KCNK1: variants seen among roughly 807,000 people sequenced by gnomAD.
KCNK1 encodes the protein potassium channel subfamily K member 1.
In KCNK1, 10 loss-of-function variants were observed where a neutral mutation model predicts 22.2. That is an observed-to-expected ratio of 0.45 (90% CI 0.28 to 0.76). KCNK1 has a LOEUF of 0.76. KCNK1 is among the 30% of genes least tolerant of loss of function. KCNK1 has a pLI of 0.14. For missense variants in KCNK1, 378 were observed against 421.0 expected, an observed-to-expected ratio of 0.90 and a Z score of 0.89; for synonymous variants, 200 against 186.4, an observed-to-expected ratio of 1.07 and a Z score of -0.60.
chr1:233,647,415 G>A (rs543700497), intron 1 of KCNK1, among the ~76,000 whole-genome samples: 1 of 152,314 alleles, frequency 6.6e-6, no homozygotes, highest in South Asian at 2.1e-4. Flanking sequence ...TAACCCTGTG[G>A]TGGACACTGC....
At chr1:233,667,549 T>C (rs1025311024) in intron 2 of KCNK1, among the ~76,000 whole-genome samples, 30 of 151,510 alleles carry the variant, frequency 2.0e-4, no homozygotes, top group African/African-American at 7.0e-4. Flanking sequence ...GCTAACACGG[T>C]GAAACCCCGT....
At chr1:233,650,643 A>C (rs1488388110) in intron 1 of KCNK1, among the ~76,000 whole-genome samples, 1 of 152,196 alleles carries the variant, frequency 6.6e-6, no homozygotes, top group African/African-American at 2.4e-5. Flanking sequence ...TAACACCTGC[A>C]TGAGATAGGA....
intron 1 of KCNK1, among the ~76,000 whole-genome samples, chr1:233,645,944 C>T (rs921329600): frequency 6.6e-6 from 1 of 152,054 alleles, no homozygotes; most frequent in Non-Finnish European, 1.5e-5. Context: ...GGTATTTGGT[C>T]TGAAGAACTA....
chr1:233,636,590 C>T (rs889041030), intron 1 of KCNK1: 1 of 152,546 alleles, frequency 6.6e-6, no homozygotes, highest in Non-Finnish European at 1.5e-5. Context: ...AGGTGCTCAG[C>T]TGTGGATCTG....
chr1:233,626,071 G>A lies in KCNK1; in HGVS notation c.355+11545G>A, dbSNP rs549389439. Among the ~76,000 whole-genome samples the A allele has an allele frequency of 5.3e-5, 8 of 152,042 alleles. No homozygotes were observed. The East Asian group carries it at 1.6e-3, about 30-fold the overall frequency. On this transcript the variant is annotated intron_variant, in intron 1 of 2. Transcript: ENST00000366621. ...ACTCTGGCTGGTGTAGGAGGGCAAG[G>A]CTGAGGCTGAGACTAAAAGGAGGCT...
chr1:233,624,574 G>T (rs1193570384), intron 1 of KCNK1, among the ~76,000 whole-genome samples: 2 of 152,088 alleles, frequency 1.3e-5, no homozygotes, highest in African/African-American at 4.8e-5. Context: ...GCAACTTAAG[G>T]CACATTTCTT....
rs556181597 is a variant in KCNK1 at position 233,671,800 on chromosome 1, A to G, written c.*270A>G. The G allele has an allele frequency of 4.8e-5, 22 of 459,126 alleles. No individual in the cohort carries two copies. In the Middle Eastern group the frequency reaches 1.9e-3, roughly 39 times the overall value. 28.4% of individuals were successfully genotyped at this position (459,126 alleles called of 1,614,324 possible). ...TTATCTCGACCTTACATAGGAGGAG[A>G]ATACTTGAAGCAGTATGCTGCTGTG... On this transcript the variant is annotated 3_prime_UTR_variant, in exon 3 of 3. Transcript: ENST00000366621.
intron 2 of KCNK1, among the ~76,000 whole-genome samples, chr1:233,668,628 G>T (rs1280375528): frequency 1.2e-4 from 18 of 150,820 alleles, no homozygotes; most frequent in African/African-American, 4.4e-4. Flanking sequence ...TTTTTGAGAT[G>T]GAGTTTCATT....
rs1196678269 is a variant in KCNK1 at position 233,636,042 on chromosome 1, C to CAGGAGTATACCTAGTATACT, written c.355+21533_355+21534insACTAGGAGTATACCTAGTAT. 2.0e-5 allele frequency among the ~76,000 whole-genome samples: 3 copies of CAGGAGTATACCTAGTATACT among 152,246 alleles called. No homozygotes were observed. In the South Asian group the frequency reaches 6.2e-4, roughly 32 times the overall value. On this transcript the variant is annotated intron_variant, in intron 1 of 2. Coordinates refer to ENST00000366621, the MANE Select transcript of KCNK1 (RefSeq NM_002245.4). ...GCAGCCACGTGCAAAGGCCCTGAGC[C>CAGGAGTATACCTAGTATACT]AGGAGTATACCTAGTATCGAGCTAA...
At chr1:233,657,199 T>C (rs1292316800) in intron 1 of KCNK1, among the ~76,000 whole-genome samples, 2 of 152,126 alleles carry the variant, frequency 1.3e-5, no homozygotes, top group Non-Finnish European at 2.9e-5. Flanking sequence ...AAATCCACCT[T>C]TTCACGAGAG....
intron 1 of KCNK1, among the ~76,000 whole-genome samples, chr1:233,655,129 G>A (rs1352879170): frequency 6.6e-6 from 1 of 152,200 alleles, no homozygotes; most frequent in East Asian, 1.9e-4. Flanking sequence ...GTGGGCCTGG[G>A]GGACAGAGCA....
chr1:233,651,234 G>A (rs1417819147), intron 1 of KCNK1, among the ~76,000 whole-genome samples: 1 of 152,146 alleles, frequency 6.6e-6, no homozygotes, highest in Non-Finnish European at 1.5e-5. Context: ...ATCCTGAGTT[G>A]CCTGCACAGC....
chr1:233,625,717 G>A (rs796526174), intron 1 of KCNK1, among the ~76,000 whole-genome samples: 7 of 152,244 alleles, frequency 4.6e-5, no homozygotes, highest in African/African-American at 9.6e-5. Context: ...GTCCAGGATC[G>A]TAGTCTTCCA....
intron 1 of KCNK1, among the ~76,000 whole-genome samples, chr1:233,648,287 C>T (rs892882607): frequency 1.3e-5 from 2 of 152,064 alleles, no homozygotes; most frequent in African/African-American, 4.8e-5. Context: ...ATTTCCAAGC[C>T]GCAACTTTTT....
At chr1:233,623,291 G>A (rs762075532) in intron 1 of KCNK1, among the ~76,000 whole-genome samples, 41 of 152,270 alleles carry the variant, frequency 2.7e-4, no homozygotes, top group South Asian at 1.0e-3. Context: ...AAGGGTACGG[G>A]GAGGGGGGAT....
intron 1 of KCNK1, among the ~76,000 whole-genome samples, chr1:233,628,483 G>A (rs1386507121): frequency 6.6e-6 from 1 of 152,182 alleles, no homozygotes; most frequent in Non-Finnish European, 1.5e-5. Flanking sequence ...AAGTCGGCCG[G>A]ATGTGGTGGC....
chr1:233,665,200 G>A (rs1007735681), intron 1 of KCNK1, among the ~76,000 whole-genome samples: 1 of 152,224 alleles, frequency 6.6e-6, no homozygotes, highest in Admixed American at 6.5e-5. Context: ...TGGGGGAAAT[G>A]TGTCAGTTTA....
intron 1 of KCNK1, among the ~76,000 whole-genome samples, chr1:233,646,743 G>C (rs771945191): frequency 3.9e-5 from 6 of 152,148 alleles, no homozygotes; most frequent in Non-Finnish European, 8.8e-5. Flanking sequence ...TGGCATGTGT[G>C]AAGCCAGAGG....
intron 1 of KCNK1, among the ~76,000 whole-genome samples, chr1:233,634,318 CA>C (rs57277108): frequency 0.86 from 120,228 of 140,538 alleles, 51,528 homozygotes; most frequent in East Asian, 0.98. Context: ...ACAACAACAA[CA>C]AAAAAAAAAA....
Sources: gnomAD v4.1 joint callset for allele counts (sites outside exome capture counted in the v4.1 genomes callset) on GRCh38, gnomAD v4.1.1 for gene constraint, MANE v1.5 for transcripts, NCBI Gene and HGNC (gene_info 2026-07-23, HGNC 2026-07-21) for gene names.